Variants in TMEM217 observed in about 807,000 individuals in gnomAD.
TMEM217 encodes chromosome 6 open reading frame 128.
For missense variants in TMEM217, 204 were observed against 248.8 expected (o/e 0.82, Z 1.21); for synonymous variants, 76 against 88.3 (o/e 0.86, Z 0.78).
chr6:37,255,247 G>A (rs946775416), intron 1 of TMEM217, among the ~76,000 whole-genome samples: 22 of 152,178 alleles, frequency 1.4e-4, no homozygotes, highest in African/African-American at 5.1e-4. Context: ...AAGAAAGAAA[G>A]CATAATGAGA....
intron 1 of TMEM217, among the ~76,000 whole-genome samples, chr6:37,231,562 A>G (rs866757385): frequency 1.9e-4 from 28 of 149,010 alleles, no homozygotes; most frequent in African/African-American, 5.2e-4. Flanking sequence ...AGTCCCAGCT[A>G]TTCGGGAGGC....
At chr6:37,244,409 T>C (rs888110141) in intron 1 of TMEM217, among the ~76,000 whole-genome samples, 1 of 152,230 alleles carries the variant, frequency 6.6e-6, no homozygotes, top group African/African-American at 2.4e-5. Context: ...TTCTATTGTG[T>C]CTAAAGCACT....
chr6:37,258,118 G>A (rs1765889327), exon 1 of TMEM217: 4 of 909,918 alleles, frequency 4.4e-6, no homozygotes, highest in African/African-American at 1.7e-5. Context: ...CAGGGCAGCT[G>A]TCAGGCAGCG....
At chr6:37,251,635 A>G (rs1765405495) in intron 1 of TMEM217, among the ~76,000 whole-genome samples, 1 of 152,246 alleles carries the variant, frequency 6.6e-6, no homozygotes, top group Non-Finnish European at 1.5e-5. Flanking sequence ...GGATACACAC[A>G]TATGTAATAA....
chr6:37,241,521 G>A (rs900279060), intron 1 of TMEM217, among the ~76,000 whole-genome samples: 1 of 152,096 alleles, frequency 6.6e-6, no homozygotes, highest in African/African-American at 2.4e-5. Flanking sequence ...CTAGAAGCAG[G>A]TGCTGGCAGG....
At chr6:37,257,921 G>T in exon 1 of TMEM217, 1 of 1,613,932 alleles carries the variant, frequency 6.2e-7, no homozygotes, top group South Asian at 1.1e-5. Context: ...CAGAGCAATG[G>T]CCGCTGAGAA....
At chr6:37,219,279 C>CCCTGGATCCACCTTAGAA (rs1435084394) in intron 1 of TMEM217, among the ~76,000 whole-genome samples, 1 of 152,140 alleles carries the variant, frequency 6.6e-6, no homozygotes, top group Non-Finnish European at 1.5e-5. Context: ...TGGTTCTCAA[C>CCCTGGATCCACCTTAGAA]CCTGGATCCA....
chr6:37,238,167 G>A (rs1463542842), intron 1 of TMEM217, among the ~76,000 whole-genome samples: 10 of 148,490 alleles, frequency 6.7e-5, no homozygotes, highest in Admixed American at 6.7e-5. Flanking sequence ...TAAAAACACT[G>A]AAAAAAAAAA....
At chr6:37,233,245 C>T (rs754531091) in intron 1 of TMEM217, among the ~76,000 whole-genome samples, 4 of 152,076 alleles carry the variant, frequency 2.6e-5, no homozygotes, top group Non-Finnish European at 5.9e-5. Flanking sequence ...CTTGCTCATC[C>T]TCAACATCCA....
chr6:37,249,987 C>A (rs1330791832), intron 1 of TMEM217, among the ~76,000 whole-genome samples: 1 of 152,138 alleles, frequency 6.6e-6, no homozygotes, highest in Non-Finnish European at 1.5e-5. Flanking sequence ...CATAGTGGCA[C>A]AGAATGTGAA....
At chr6:37,227,724 C>T (rs1488735799) in intron 1 of TMEM217, among the ~76,000 whole-genome samples, 3 of 152,058 alleles carry the variant, frequency 2.0e-5, no homozygotes, top group Non-Finnish European at 4.4e-5. Context: ...GCTGGGATTA[C>T]AGGTATGAGC....
downstream of TMEM217, among the ~76,000 whole-genome samples, chr6:37,216,368 T>C (rs936973180): frequency 1.3e-5 from 2 of 152,144 alleles, no homozygotes; most frequent in Admixed American, 6.5e-5. Flanking sequence ...CGTGAGCCCC[T>C]GCGCCTGGCC....
chr6:37,221,803 A>G (rs1763537855), intron 1 of TMEM217, among the ~76,000 whole-genome samples: 4 of 152,156 alleles, frequency 2.6e-5, no homozygotes, highest in African/African-American at 9.7e-5. Context: ...ATGAGCTTTA[A>G]GTGTTAGATC....
At chr6:37,242,049 T>G (rs950861941) in intron 1 of TMEM217, among the ~76,000 whole-genome samples, 3 of 151,498 alleles carry the variant, frequency 2.0e-5, no homozygotes, top group African/African-American at 7.3e-5. Flanking sequence ...CCCTGCCCCT[T>G]GATGGAGTCA....
intron 1 of TMEM217, among the ~76,000 whole-genome samples, chr6:37,252,637 AT>A (rs374265453): frequency 9.7e-4 from 69 of 71,352 alleles, no homozygotes; most frequent in East Asian, 3.5e-3. Context: ...ATATATATAT[AT>A]TTTTTTTTTT....
At chr6:37,231,694 A>G (rs949494353) in intron 1 of TMEM217, among the ~76,000 whole-genome samples, 3 of 147,746 alleles carry the variant, frequency 2.0e-5, no homozygotes, top group Non-Finnish European at 1.5e-5. Flanking sequence ...AAAAAATTCA[A>G]CAGAAAGCTC....
At chr6:37,252,782 G>A (rs1371358913) in intron 1 of TMEM217, among the ~76,000 whole-genome samples, 1 of 151,426 alleles carries the variant, frequency 6.6e-6, no homozygotes, top group Non-Finnish European at 1.5e-5. Flanking sequence ...GGGACCACAG[G>A]TGTGTGCCAC....
downstream of TMEM217, among the ~76,000 whole-genome samples, chr6:37,213,269 T>C (rs529496156): frequency 6.6e-6 from 1 of 152,338 alleles, no homozygotes; most frequent in East Asian, 1.9e-4. Flanking sequence ...TGCTTTAAAG[T>C]GGCAAAAAGA....
intron 1 of TMEM217, among the ~76,000 whole-genome samples, chr6:37,253,408 C>T (rs957528021): frequency 2.0e-5 from 3 of 152,152 alleles, no homozygotes; most frequent in Non-Finnish European, 2.9e-5. Flanking sequence ...TTTCCCTTCA[C>T]CCCCCAAATT....
Sources: gnomAD v4.1 joint callset for allele counts (sites outside exome capture counted in the v4.1 genomes callset) on GRCh38, gnomAD v4.1.1 for gene constraint, MANE v1.5 for transcripts, NCBI Gene and HGNC (gene_info 2026-07-23, HGNC 2026-07-21) for gene names.